Variants in TET1 observed in about 807,000 individuals in gnomAD.
TET1 encodes the protein tet methylcytosine dioxygenase 1, also known as methylcytosine dioxygenase TET1.
Under a neutral mutation model 148.7 loss-of-function variants are expected in TET1, and 13 were observed. The observed-to-expected ratio is 0.09, with a 90% confidence interval of 0.06 to 0.14. TET1 has a LOEUF of 0.14. Among genes scored for constraint, TET1 ranks in the 10% least tolerant of loss-of-function variants. The pLI is 1.00. For missense variants in TET1, 2,182 were observed against 2,553.8 expected, an observed-to-expected ratio of 0.85 and a Z score of 3.14; for synonymous variants, 907 against 937.2, an observed-to-expected ratio of 0.97 and a Z score of 0.59.
chr10:68,608,477 T>C (rs3998852), intron 3 of TET1, among the ~76,000 whole-genome samples: 133,148 of 151,816 alleles, frequency 0.88, 58,424 homozygotes, highest in Admixed American at 0.92. Flanking sequence ...CCTCGTGATC[T>C]ACCCGCCTTG....
chr10:68,690,719 T>C (rs2055578391), intron 11 of TET1, 89 bp from the exon 12 acceptor site: 1 of 1,330,834 alleles, frequency 7.5e-7, no homozygotes, highest in Non-Finnish European at 1.0e-6. Flanking sequence ...TATATAATTC[T>C]TTGTACTTGT....
At chr10:68,687,124 T>C (rs2055523858) in intron 11 of TET1, among the ~76,000 whole-genome samples, 1 of 151,266 alleles carries the variant, frequency 6.6e-6, no homozygotes, top group Non-Finnish European at 1.5e-5. Flanking sequence ...CCTGACCTCT[T>C]GATCCGCCCC....
chr10:68,605,092 A>C (rs2054105098), intron 3 of TET1, among the ~76,000 whole-genome samples: 1 of 152,216 alleles, frequency 6.6e-6, no homozygotes, highest in African/African-American at 2.4e-5. Context: ...TGATTTTAAA[A>C]AGGCAAAATG....
intron 3 of TET1, among the ~76,000 whole-genome samples, chr10:68,606,621 A>G (rs184051081): frequency 1.3e-5 from 2 of 151,932 alleles, no homozygotes; most frequent in East Asian, 1.9e-4. Context: ...AAAAAAACAC[A>G]TGTCATTTTG....
intron 3 of TET1, among the ~76,000 whole-genome samples, chr10:68,618,294 T>C (rs553252544): frequency 1.6e-4 from 24 of 152,288 alleles, no homozygotes; most frequent in South Asian, 4.1e-4. Context: ...GTCAGGTTAC[T>C]GTATGGTAAA....
chr10:68,615,462 C>A (rs1373762056), intron 3 of TET1, among the ~76,000 whole-genome samples: 1 of 151,142 alleles, frequency 6.6e-6, no homozygotes, highest in African/African-American at 2.4e-5. Context: ...TCTCCTGCCT[C>A]AGCTTCCTGA....
At chr10:68,594,195 G>A (rs2053952788) in intron 2 of TET1, among the ~76,000 whole-genome samples, 1 of 152,106 alleles carries the variant, frequency 6.6e-6, no homozygotes, top group Non-Finnish European at 1.5e-5. Context: ...CAAAGTGCTG[G>A]GATTACAGGC....
intron 3 of TET1, among the ~76,000 whole-genome samples, chr10:68,617,864 C>A (rs2054316843): frequency 6.6e-6 from 1 of 152,022 alleles, no homozygotes; most frequent in South Asian, 2.1e-4. Flanking sequence ...CTATTTTTAA[C>A]CCAAACATTT....
In TET1 at chr10:68,686,573, A is replaced by G. The variant is rs893725658; in HGVS notation, c.5270A>G (p.Lys1757Arg). 8 of 1,614,092 alleles carry G rather than the reference A, an allele frequency of 5.0e-6. No individual in the cohort carries two copies. Among genetic ancestry groups the G allele is most frequent in the Non-Finnish European group, 6.8e-6 (8 of 1,180,056 alleles). Residue 1757 changes from lysine (K) to arginine (R), a missense_variant, in exon 11 of 12, where the codon AAG (lysine) becomes AGG (arginine). This residue lies in a region of TET1 where 380 missense variants were observed against 387.9 expected (regional missense o/e 0.98). Transcript: ENST00000373644. Reference protein sequence around the residue: ...FTQPVPRSGKKRAAMMTEVLA... With the variant: ...FTQPVPRSGKRRAAMMTEVLA... Reference sequence around the variant, plus strand: ...CAGCCTGTTCCCCGTTCTGGAAAGAAGAGGGCTGCGATGATGACAGAGGTT... The same window carrying G: ...CAGCCTGTTCCCCGTTCTGGAAAGAGGAGGGCTGCGATGATGACAGAGGTT...
intron 6 of TET1, among the ~76,000 whole-genome samples, chr10:68,658,797 G>A (rs567367488): frequency 2.0e-5 from 3 of 152,304 alleles, no homozygotes; most frequent in South Asian, 4.1e-4. Context: ...GAACCTAGGA[G>A]GCAGAGGCTG....
intron 4 of TET1, among the ~76,000 whole-genome samples, chr10:68,649,315 G>A (rs2054896386): frequency 6.6e-6 from 1 of 152,164 alleles, no homozygotes; most frequent in South Asian, 2.1e-4. Context: ...ATAAAAGAGA[G>A]AACACTTTTC....
intron 8 of TET1, among the ~76,000 whole-genome samples, chr10:68,677,770 G>C (rs1363264398): frequency 1.4e-4 from 22 of 152,050 alleles, no homozygotes; most frequent in Admixed American, 1.4e-3. Context: ...ACAGGCATGC[G>C]CCACCACGCC....
intron 3 of TET1, among the ~76,000 whole-genome samples, chr10:68,639,219 C>T (rs866302150): frequency 1.9e-4 from 28 of 150,854 alleles, no homozygotes; most frequent in Middle Eastern, 3.2e-3. Context: ...GTCAGGAGTG[C>T]GAGACCAGCC....
At chr10:68,606,187 T>C (rs972730465) in intron 3 of TET1, among the ~76,000 whole-genome samples, 3 of 152,006 alleles carry the variant, frequency 2.0e-5, no homozygotes, top group African/African-American at 4.8e-5. Flanking sequence ...GCCAACATGG[T>C]GAAACCCTGT....
At chr10:68,624,457 G>T (rs7899767) in intron 3 of TET1, among the ~76,000 whole-genome samples, 143,945 of 152,096 alleles carry the variant, frequency 0.95, 68,151 homozygotes, top group East Asian at 0.98. Context: ...ACCCAGCTAA[G>T]TTTATATTTT....
At chr10:68,603,851 A>T (rs1168902977) in intron 3 of TET1, among the ~76,000 whole-genome samples, 1 of 152,240 alleles carries the variant, frequency 6.6e-6, no homozygotes, top group African/African-American at 2.4e-5. Flanking sequence ...AAAACTAAAT[A>T]GCGATCTAAA....
chr10:68,666,988 T>A, intron 6 of TET1, 57 bp from the exon 7 acceptor site: 1 of 1,417,164 alleles, frequency 7.1e-7, no homozygotes, highest in Non-Finnish European at 9.8e-7. Flanking sequence ...GGAATATCCA[T>A]TGCATTCAAA....
chr10:68,573,354 T>G lies in TET1; in HGVS notation c.1016T>G (p.Leu339Arg), dbSNP rs199737304. Residue 339 changes from leucine to arginine, a missense_variant, in exon 2 of 12, where the codon CTT (leucine) becomes CGT (arginine). Transcript: ENST00000373644. ...FLLAGSKQAT[L>R]GAKPDHQEAF... ...TTGGCAGGCTCAAAACAAGCGACCC[T>G]TGGTGCTAAACCAGATCATCAAGAG... 43 of 1,614,140 alleles carry G rather than the reference T, an allele frequency of 2.7e-5. No individual in the cohort carries two copies. The highest frequency in any genetic ancestry group is 3.6e-5 in the Non-Finnish European group (43 of 1,180,026).
At chr10:68,628,103 C>T (rs547436375) in intron 3 of TET1, among the ~76,000 whole-genome samples, 100 of 152,134 alleles carry the variant, frequency 6.6e-4, no homozygotes, top group African/African-American at 2.2e-3. Context: ...CCCACCAACA[C>T]GCCCAGCTAA....
Sources: gnomAD v4.1 joint callset for allele counts (sites outside exome capture counted in the v4.1 genomes callset) on GRCh38, gnomAD v4.1.1 for gene constraint, gnomAD v4.1.1 regional missense constraint, MANE v1.5 for transcripts, NCBI Gene and HGNC (gene_info 2026-07-23, HGNC 2026-07-21) for gene names.